MMP2: variants seen among roughly 807,000 people sequenced by gnomAD.
MMP2 encodes the protein matrix metallopeptidase 2, also known as 72 kDa type IV collagenase.
MMP2 carries 39 observed loss-of-function variants against 74.8 expected under a neutral mutation model. The ratio of observed to expected loss-of-function variants is 0.52; its 90% CI spans 0.40 to 0.68. MMP2 has a LOEUF of 0.68. Among genes scored for constraint, MMP2 ranks in the 30% least tolerant of loss-of-function variants. MMP2 has a pLI of 0.00. For missense variants in MMP2, 803 were observed against 878.3 expected, an observed-to-expected ratio of 0.91 and a Z score of 1.08; for synonymous variants, 367 against 339.8, an observed-to-expected ratio of 1.08 and a Z score of -0.88.
At position 55,505,656 on chromosome 16, in the gene MMP2, T is replaced by C; in HGVS notation, c.*214T>C. ...TGACTGTACTCCTCCCAGGCGCCCC[T>C]TCCCCCTCCAATCCCACCAACCCTC... On this transcript the variant is annotated 3_prime_UTR_variant, in exon 13 of 13. Transcript: ENST00000219070. The C allele has an allele frequency of 3.4e-6, 2 of 593,248 alleles. No individual in the cohort carries two copies. Among genetic ancestry groups the C allele is most frequent in the Non-Finnish European group, 6.0e-6 (2 of 331,230 alleles). 36.7% of individuals were successfully genotyped at this position (593,248 alleles called of 1,614,324 possible).
intron 12 of MMP2, among the ~76,000 whole-genome samples, chr16:55,504,299 AC>A (rs1194088528): frequency 1.3e-5 from 2 of 152,190 alleles, no homozygotes; most frequent in African/African-American, 2.4e-5. Context: ...TAAAGACAAA[AC>A]AAAACAAACT....
chr16:55,490,265 T>C (rs1174398321), intron 7 of MMP2, among the ~76,000 whole-genome samples: 1 of 152,060 alleles, frequency 6.6e-6, no homozygotes, highest in Non-Finnish European at 1.5e-5. Flanking sequence ...TGGTAGGCAG[T>C]AGAAGAAAGG....
chr16:55,489,050 G>A (rs996862470), intron 6 of MMP2, among the ~76,000 whole-genome samples: 1 of 152,126 alleles, frequency 6.6e-6, no homozygotes. Context: ...CTCTGACCCT[G>A]CAATCTCTCT....
chr16:55,491,963 C>A lies in MMP2; in HGVS notation c.1336+7C>A. 1 of 1,611,184 alleles carries A rather than the reference C, an allele frequency of 6.2e-7. No homozygotes were observed. The highest frequency in any genetic ancestry group is 8.5e-7 in the Non-Finnish European group (1 of 1,178,476). On this transcript the variant is annotated splice_region_variant and intron_variant, in intron 8 of 12. Coordinates refer to ENST00000219070, the MANE Select transcript of MMP2 (RefSeq NM_004530.6). ...GGCATTCAGGAGCTCTATGGTAAAC[C>A]TCCGGGCGGGGGTTGGGGGTGGAGG...
At position 55,502,865 on chromosome 16, in the gene MMP2, C is replaced by G; in HGVS notation, c.1856C>G (p.Ala619Gly). The change falls in exon 12 of 13, where the codon GCC becomes GGC. Residue 619 changes from alanine to glycine, a missense_variant. By Grantham distance (60) the Ala-to-Gly change is moderately conservative. Coordinates refer to ENST00000219070, the MANE Select transcript of MMP2 (RefSeq NM_004530.6). ...AWNAIPDNLDAVVDLQGGGHS... is the reference protein window; with the variant it reads ...AWNAIPDNLDGVVDLQGGGHS... The stretch of plus-strand genomic sequence containing the variant: ...AATGCCATCCCCGATAACCTGGATG[C>G]CGTCGTGGACCTGCAGGGCGGCGGT... The G allele has an allele frequency of 6.2e-7, 1 of 1,613,854 alleles. No homozygotes were observed. The highest frequency in any genetic ancestry group is 1.1e-5 in the South Asian group (1 of 91,076).
At position 55,505,420 on chromosome 16, in the gene MMP2, A is replaced by G; in HGVS notation, c.1961A>G (p.Lys654Arg). 1.2e-6 allele frequency: 2 copies of G among 1,614,088 alleles called. No individual in the cohort carries two copies. Among genetic ancestry groups the G allele is most frequent in the South Asian group, 2.2e-5 (2 of 91,070 alleles). Residue 654 changes from lysine (K) to arginine (R), a missense_variant, in exon 13 of 13, where the codon AAA (lysine) becomes AGA (arginine). By Grantham distance (26) the Lys-to-Arg change is conservative. Around this residue, in one of 3 missense-constraint regions of MMP2, gnomAD observed 555 missense variants for 592.0 expected, o/e 0.94. Coordinates refer to ENST00000219070, the MANE Select transcript of MMP2 (RefSeq NM_004530.6). ...AAGAGCGTGAAGTTTGGAAGCATCA[A>G]ATCCGACTGGCTAGGCTGCTGAGCT... The part of the protein sequence containing the change: ...SLKSVKFGSI[K>R]SDWLGC
chr16:55,488,727 C>T lies in MMP2; in HGVS notation c.1006+11C>T, dbSNP rs369916261. The T allele has an allele frequency of 2.5e-6, 4 of 1,577,272 alleles. No individual in the cohort carries two copies. Among genetic ancestry groups the T allele is most frequent in the African/African-American group, 1.4e-5 (1 of 73,752 alleles). ...TCTGCCCTGAGACCGGTGGGTGCCA[C>T]TCCCTCTCCCTCCCTCAGGGCCCAG... On this transcript the variant is annotated intron_variant, in intron 6 of 12. Coordinates refer to ENST00000219070, the MANE Select transcript of MMP2 (RefSeq NM_004530.6).
intron 9 of MMP2, among the ~76,000 whole-genome samples, chr16:55,493,825 T>A (rs911853321): frequency 6.6e-6 from 1 of 152,228 alleles, no homozygotes. Flanking sequence ...CCTTCTAGAA[T>A]GGCGTTGCCC....
At chr16:55,481,712 C>T (rs1962107656) in intron 1 of MMP2, 1 of 620,194 alleles carries the variant, frequency 1.6e-6, no homozygotes. Context: ...AAGAAGATAA[C>T]TCTGGACTTA....
rs1369936015 is a variant in MMP2 at position 55,488,585 on chromosome 16, A to G, written c.875A>G (p.Lys292Arg). The change falls in exon 6 of 13, where the codon AAG (lysine) becomes AGG (arginine). Residue 292 changes from lysine (K) to arginine (R), a missense_variant. Physicochemically the swap from Lys to Arg is conservative, Grantham distance 26. Coordinates refer to ENST00000219070, the MANE Select transcript of MMP2 (RefSeq NM_004530.6). ...GGCAACGCTGAAGGACAGCCCTGCA[A>G]GTTTCCATTCCGCTTCCAGGGCACA... ...MGGNAEGQPCKFPFRFQGTSY... is the reference protein window; with the variant it reads ...MGGNAEGQPCRFPFRFQGTSY... 6.2e-7 allele frequency: 1 copy of G among 1,613,964 alleles called. No individual in the cohort carries two copies. The highest frequency in any genetic ancestry group is 1.1e-5 in the South Asian group (1 of 91,022).
intron 2 of MMP2, 25 bp from the exon 3 acceptor site, chr16:55,483,991 T>G (rs763097763): frequency 1.2e-6 from 2 of 1,612,920 alleles, no homozygotes; most frequent in Non-Finnish European, 1.7e-6. Flanking sequence ...GCATACACAC[T>G]CACATGCAGT....
intron 7 of MMP2, among the ~76,000 whole-genome samples, chr16:55,491,145 A>C (rs1962395807): frequency 6.6e-6 from 1 of 150,836 alleles, no homozygotes; most frequent in Admixed American, 6.6e-5. Context: ...GCTCACTGCA[A>C]CCTCTGCCTC....
intron 1 of MMP2, chr16:55,481,708 A>G (rs912458573): frequency 2.0e-5 from 12 of 598,934 alleles, no homozygotes; most frequent in African/African-American, 1.9e-4. Context: ...GCTTAAGAAG[A>G]TAACTCTGGA....
chr16:55,483,698 C>T (rs1962166079), intron 2 of MMP2, among the ~76,000 whole-genome samples: 1 of 152,136 alleles, frequency 6.6e-6, no homozygotes, highest in African/African-American at 2.4e-5. Flanking sequence ...CCCCACCAGC[C>T]AGAAGTGACA....
At chr16:55,493,079 G>A in intron 8 of MMP2, 79 bp from the exon 9 acceptor site, 2 of 1,572,546 alleles carry the variant, frequency 1.3e-6, no homozygotes, top group South Asian at 2.3e-5. Context: ...AGATGGTTGG[G>A]TGGGCACCCC....
chr16:55,483,649 C>T (rs539059105), intron 2 of MMP2, among the ~76,000 whole-genome samples: 3 of 152,238 alleles, frequency 2.0e-5, no homozygotes, highest in Middle Eastern at 3.4e-3. Flanking sequence ...ATGGTGGGAT[C>T]TTTGCCCTGT....
chr16:55,494,168 A>T (rs1187249866), intron 9 of MMP2, among the ~76,000 whole-genome samples: 1 of 152,218 alleles, frequency 6.6e-6, no homozygotes, highest in African/African-American at 2.4e-5. Context: ...ATTCATTCAT[A>T]GAGTATAGTA....
chr16:55,495,679 C>T (rs1359905323), intron 9 of MMP2, among the ~76,000 whole-genome samples: 1 of 152,194 alleles, frequency 6.6e-6, no homozygotes, highest in Non-Finnish European at 1.5e-5. Context: ...ATAACAGAGA[C>T]CATCCCTCTG....
At chr16:55,483,218 G>T in intron 2 of MMP2, 83 bp downstream of exon 2, 4 of 1,099,294 alleles carry the variant, frequency 3.6e-6, no homozygotes, top group Non-Finnish European at 4.0e-6. Flanking sequence ...CTCCACTCAG[G>T]GGATCCATGA....
Sources: gnomAD v4.1 joint callset for allele counts (sites outside exome capture counted in the v4.1 genomes callset) on GRCh38, gnomAD v4.1.1 for gene constraint, gnomAD v4.1.1 regional missense constraint, MANE v1.5 for transcripts, NCBI Gene and HGNC (gene_info 2026-07-23, HGNC 2026-07-21) for gene names.